The following CACNA2D3 variants were observed in gnomAD, a reference collection of about 807,000 sequenced individuals.
CACNA2D3 encodes the protein calcium voltage-gated channel auxiliary subunit alpha2delta 3.
CACNA2D3 carries 60 observed loss-of-function variants against 160.6 expected under a neutral mutation model. The ratio of observed to expected loss-of-function variants is 0.37; its 90% CI spans 0.30 to 0.46. CACNA2D3 has a LOEUF of 0.46. Ranked by LOEUF, CACNA2D3 falls within the 20% of genes least tolerant of loss-of-function variation. CACNA2D3 has a pLI of 1.00. For missense variants in CACNA2D3, 1,205 were observed against 1,365.0 expected, an observed-to-expected ratio of 0.88 and a Z score of 1.85; for synonymous variants, 558 against 492.9, an observed-to-expected ratio of 1.13 and a Z score of -1.75.
chr3:54,825,216 A>T (rs1703725900), intron 14 of CACNA2D3, among the ~76,000 whole-genome samples: 1 of 152,218 alleles, frequency 6.6e-6, no homozygotes, highest in South Asian at 2.1e-4. Context: ...AGTTGTTTTC[A>T]TCTCAGTTGT....
At chr3:54,641,209 AC>A (rs1190182773) in intron 10 of CACNA2D3, among the ~76,000 whole-genome samples, 1 of 152,254 alleles carries the variant, frequency 6.6e-6, no homozygotes, top group Non-Finnish European at 1.5e-5. Flanking sequence ...GACTGAAGTT[AC>A]AGGCAAAGAC....
intron 11 of CACNA2D3, among the ~76,000 whole-genome samples, chr3:54,657,376 T>TG (rs1699892099): frequency 6.6e-6 from 1 of 152,154 alleles, no homozygotes; most frequent in Admixed American, 6.5e-5. Flanking sequence ...TTTTTGTGAT[T>TG]AGAACACTTA....
intron 12 of CACNA2D3, among the ~76,000 whole-genome samples, chr3:54,755,791 A>G (rs1701957682): frequency 6.6e-6 from 1 of 152,174 alleles, no homozygotes; most frequent in African/African-American, 2.4e-5. Flanking sequence ...TGGTCTTGAA[A>G]AAAAGAGTTC....
chr3:54,589,141 ACAAGAGAATGTGG>A (rs1379982891), intron 9 of CACNA2D3, among the ~76,000 whole-genome samples: 1 of 152,128 alleles, frequency 6.6e-6, no homozygotes, highest in Non-Finnish European at 1.5e-5. Context: ...GTAACAGTAC[ACAAGAGAATGTGG>A]CATTAGAAGA....
chr3:54,917,757 A>G (rs1700698014), intron 27 of CACNA2D3, among the ~76,000 whole-genome samples: 1 of 152,096 alleles, frequency 6.6e-6, no homozygotes, highest in African/African-American at 2.4e-5. Context: ...TTTATATGTT[A>G]TTTACCCTTG....
intron 14 of CACNA2D3, among the ~76,000 whole-genome samples, chr3:54,820,687 G>T (rs1347996149): frequency 1.3e-5 from 2 of 152,266 alleles, no homozygotes; most frequent in East Asian, 3.9e-4. Flanking sequence ...AGTTTCTTGG[G>T]TGGATTGATT....
intron 2 of CACNA2D3, among the ~76,000 whole-genome samples, chr3:54,280,754 C>G (rs1348749555): frequency 1.3e-5 from 2 of 152,154 alleles, no homozygotes; most frequent in African/African-American, 4.8e-5. Flanking sequence ...TTGCTGTTCC[C>G]TCTGCATCAT....
At chr3:55,060,656 A>G (rs1037838086) in intron 35 of CACNA2D3, among the ~76,000 whole-genome samples, 2 of 152,220 alleles carry the variant, frequency 1.3e-5, no homozygotes, top group African/African-American at 4.8e-5. Flanking sequence ...TTATAAGAAA[A>G]GACATTAATA....
chr3:54,798,865 G>T (rs1418488550), intron 13 of CACNA2D3, among the ~76,000 whole-genome samples: 1 of 152,196 alleles, frequency 6.6e-6, no homozygotes, highest in Non-Finnish European at 1.5e-5. Flanking sequence ...CATGTTCCCT[G>T]TTTGTTTCAC....
intron 2 of CACNA2D3, among the ~76,000 whole-genome samples, chr3:54,312,557 G>A (rs371883362): frequency 2.6e-5 from 4 of 152,166 alleles, no homozygotes; most frequent in African/African-American, 7.2e-5. Context: ...CAACCCAAAC[G>A]TATGAACAAC....
intron 2 of CACNA2D3, among the ~76,000 whole-genome samples, chr3:54,292,060 G>A (rs948629487): frequency 2.0e-5 from 3 of 152,038 alleles, no homozygotes; most frequent in Admixed American, 6.6e-5. Context: ...AAGACCTTTC[G>A]GTGGTAGAAA....
chr3:55,007,927 T>C (rs1703131504), intron 33 of CACNA2D3, 85 bp downstream of exon 33: 1 of 865,686 alleles, frequency 1.2e-6, no homozygotes, highest in African/African-American at 1.8e-5. Flanking sequence ...TTGTGAGTCA[T>C]GCCTTCAATA....
intron 9 of CACNA2D3, among the ~76,000 whole-genome samples, chr3:54,585,392 T>G (rs1463199980): frequency 6.6e-6 from 1 of 152,024 alleles, no homozygotes; most frequent in Non-Finnish European, 1.5e-5. Context: ...TCTTAAAAAG[T>G]AACTCATAGG....
At chr3:54,873,593 G>T (rs1699590924) in intron 18 of CACNA2D3, among the ~76,000 whole-genome samples, 1 of 152,132 alleles carries the variant, frequency 6.6e-6, no homozygotes. Context: ...TGGAGCTGCA[G>T]GCATTGGATT....
At chr3:54,989,491 C>T (rs1702691713) in intron 31 of CACNA2D3, among the ~76,000 whole-genome samples, 1 of 152,168 alleles carries the variant, frequency 6.6e-6, no homozygotes, top group South Asian at 2.1e-4. Flanking sequence ...TGACGGGCCT[C>T]CTCACTGGGG....
intron 2 of CACNA2D3, among the ~76,000 whole-genome samples, chr3:54,288,409 T>G (rs951677631): frequency 2.0e-5 from 3 of 152,056 alleles, no homozygotes; most frequent in Non-Finnish European, 2.9e-5. Flanking sequence ...AATAACAGGA[T>G]CTGAAATTGT....
intron 9 of CACNA2D3, among the ~76,000 whole-genome samples, chr3:54,603,204 C>T (rs369338338): frequency 5.9e-5 from 9 of 152,182 alleles, no homozygotes; most frequent in Admixed American, 1.3e-4. Context: ...GCAGCCCGCC[C>T]GGCAGGAAGA....
chr3:54,752,448 G>T (rs978949435), intron 11 of CACNA2D3, 151 bp from the exon 12 acceptor site: 4 of 610,678 alleles, frequency 6.6e-6, no homozygotes, highest in Non-Finnish European at 1.2e-5. Flanking sequence ...ATTTCTAGCT[G>T]ACTATACTTC....
chr3:54,808,943 A>G (rs1255663292), intron 13 of CACNA2D3, among the ~76,000 whole-genome samples: 1 of 152,208 alleles, frequency 6.6e-6, no homozygotes, highest in African/African-American at 2.4e-5. Flanking sequence ...AAATCAAAGG[A>G]TGAAAACAGC....
Sources: gnomAD v4.1 joint callset for allele counts (sites outside exome capture counted in the v4.1 genomes callset) on GRCh38, gnomAD v4.1.1 for gene constraint, MANE v1.5 for transcripts, NCBI Gene and HGNC (gene_info 2026-07-23, HGNC 2026-07-21) for gene names.